Variants in CAMTA1 observed in about 807,000 individuals in gnomAD.
CAMTA1 encodes calmodulin-binding transcription activator 1.
A neutral mutation model predicts 170.9 loss-of-function variants in CAMTA1; 27 were observed. The ratio of observed to expected loss-of-function variants is 0.16; its 90% CI spans 0.12 to 0.22. CAMTA1 has a LOEUF of 0.22. Among genes scored for constraint, CAMTA1 ranks in the 10% least tolerant of loss-of-function variants. The pLI is 1.00. For synonymous variants in CAMTA1, 833 were observed against 891.5 expected (o/e 0.93, Z 1.17); for missense variants, 1,619 against 2,217.2 (o/e 0.73, Z 5.42).
intron 6 of CAMTA1, among the ~76,000 whole-genome samples, chr1:7,602,180 C>G (rs2095452538): frequency 7.1e-6 from 1 of 140,268 alleles, no homozygotes. Context: ...CCCTTCCCCT[C>G]CCCTCGATTC....
At chr1:7,288,492 T>G (rs1029704151) in intron 5 of CAMTA1, among the ~76,000 whole-genome samples, 2 of 152,134 alleles carry the variant, frequency 1.3e-5, no homozygotes, top group Non-Finnish European at 2.9e-5. Flanking sequence ...CCACACTGGT[T>G]GAGTGTGGGC....
rs116232618 is a variant in CAMTA1 at position 7,193,534 on chromosome 1, C to T, written c.303-55957C>T. Reference sequence around the variant, plus strand: ...ACAGCTAAAGTTCAGTGGCACTTACCTGCTGTCATCAGAAACATGAGGGGA... The same window carrying T: ...ACAGCTAAAGTTCAGTGGCACTTACTTGCTGTCATCAGAAACATGAGGGGA... On this transcript the variant is annotated intron_variant, in intron 4 of 22. Coordinates refer to ENST00000303635, the MANE Select transcript of CAMTA1 (RefSeq NM_015215.4). 1.9e-3 allele frequency among the ~76,000 whole-genome samples: 287 copies of T among 151,830 alleles called. 1 individual carries two copies. Among genetic ancestry groups the T allele is most frequent in the African/African-American group, 6.5e-3 (271 of 41,446 alleles).
intron 6 of CAMTA1, among the ~76,000 whole-genome samples, chr1:7,500,907 T>A (rs1263519443): frequency 6.6e-6 from 1 of 151,970 alleles, no homozygotes; most frequent in Non-Finnish European, 1.5e-5. Context: ...GCTCAACTGG[T>A]CACACCCAAC....
chr1:7,479,480 TCCAGACATG>T (rs1320424498), intron 6 of CAMTA1, among the ~76,000 whole-genome samples: 1 of 152,164 alleles, frequency 6.6e-6, no homozygotes, highest in African/African-American at 2.4e-5. Flanking sequence ...ATGCTCTTTT[TCCAGACATG>T]CCAGGGTCCC....
Position 7,089,621 on chromosome 1 carries a change from G to C in CAMTA1, c.235-1683G>C, listed in dbSNP as rs560510858. 1.6e-4 allele frequency among the ~76,000 whole-genome samples: 22 copies of C among 140,662 alleles called. 1 individual carries two copies. The highest frequency in any genetic ancestry group is 5.7e-4 in the African/African-American group (22 of 38,798). The allele number at this position is 140,662 out of a possible 152,430, so 92.3% of individuals were successfully genotyped here. On this transcript the variant is annotated intron_variant, in intron 3 of 22. Coordinates refer to ENST00000303635, the MANE Select transcript of CAMTA1 (RefSeq NM_015215.4). Reference sequence around the variant, plus strand: ...CCATCTGTCTAACAAACACTTATCAGGTGCTTCCTATGTGCCTCAGGACAC... The same window carrying C: ...CCATCTGTCTAACAAACACTTATCACGTGCTTCCTATGTGCCTCAGGACAC...
chr1:7,664,466 G>T lies in CAMTA1; in HGVS notation c.1919G>T (p.Gly640Val). ...CACAGCAGCCTGAGTGACTCTGGGGGCACCTTCGTGATGCCCACGGTGAAA... is the reference window on the plus strand; with the variant it reads ...CACAGCAGCCTGAGTGACTCTGGGGTCACCTTCGTGATGCCCACGGTGAAA... ...NTHSSLSDSGGTFVMPTVKTE... is the reference protein window; with the variant it reads ...NTHSSLSDSGVTFVMPTVKTE... The change falls in exon 9 of 23, where the codon GGC becomes GTC. Residue 640 changes from glycine to valine, a missense_variant. By Grantham distance (109) the Gly-to-Val change is moderately radical. Transcript: ENST00000303635. The T allele has an allele frequency of 6.2e-7, 1 of 1,613,374 alleles. No homozygotes were observed. The highest frequency in any genetic ancestry group is 1.1e-5 in the South Asian group (1 of 91,082).
chr1:7,707,120 G>C (rs886899270), intron 11 of CAMTA1, among the ~76,000 whole-genome samples: 1 of 152,004 alleles, frequency 6.6e-6, no homozygotes. Flanking sequence ...TCCTGACCTT[G>C]TGATCTGCCT....
chr1:7,309,753 A>G (rs1676180797), intron 5 of CAMTA1, among the ~76,000 whole-genome samples: 1 of 151,996 alleles, frequency 6.6e-6, no homozygotes, highest in South Asian at 2.1e-4. Context: ...ATGGGTTACA[A>G]TACATTCTTT....
intron 3 of CAMTA1, among the ~76,000 whole-genome samples, chr1:7,051,588 C>T (rs545537440): frequency 1.3e-5 from 2 of 151,834 alleles, no homozygotes; most frequent in South Asian, 4.2e-4. Flanking sequence ...GCCTGGGTGT[C>T]CGAGGTTGCT....
intron 4 of CAMTA1, among the ~76,000 whole-genome samples, chr1:7,127,565 T>A (rs1645008288): frequency 6.6e-6 from 1 of 152,160 alleles, no homozygotes; most frequent in Admixed American, 6.5e-5. Flanking sequence ...CTTGCCAGCC[T>A]CTTCGCATTC....
intron 6 of CAMTA1, among the ~76,000 whole-genome samples, chr1:7,485,940 C>A (rs1048943087): frequency 2.6e-5 from 4 of 152,368 alleles, no homozygotes; most frequent in East Asian, 1.9e-4. Context: ...CAGCCGCCAG[C>A]TGTTGGTGTC....
chr1:7,481,426 G>T (rs1427190660), intron 6 of CAMTA1, among the ~76,000 whole-genome samples: 1 of 152,086 alleles, frequency 6.6e-6, no homozygotes, highest in Non-Finnish European at 1.5e-5. Context: ...CCTCTGACTG[G>T]AGGCTGCCCT....
intron 3 of CAMTA1, among the ~76,000 whole-genome samples, chr1:6,899,540 GCGCA>G (rs149690589): frequency 2.5e-3 from 237 of 93,892 alleles, no homozygotes; most frequent in African/African-American, 8.2e-3. Context: ...TGTGTATAAC[GCGCA>G]CGCGCGCGCG....
chr1:7,276,303 A>ATATATATATATATATATATATATT, intron 5 of CAMTA1, among the ~76,000 whole-genome samples: 2 of 24,232 alleles, frequency 8.3e-5, no homozygotes, highest in Non-Finnish European at 1.2e-4. Context: ...ATATATATAT[A>ATATATATATATATATATATATATT]TTTTTTTTTT....
rs1208755548 is a variant in CAMTA1 at position 7,426,062 on chromosome 1, C to A, written c.439-41768C>A. Among the ~76,000 whole-genome samples, 1 of 152,226 alleles carries A rather than the reference C, an allele frequency of 6.6e-6. No homozygotes were observed. Among genetic ancestry groups the A allele is most frequent in the African/African-American group, 2.4e-5 (1 of 41,444 alleles). On this transcript the variant is annotated intron_variant, in intron 5 of 22. Transcript: ENST00000303635. This position sits in a 1 kb window ranked among gnomAD's most constrained non-coding sequence, Gnocchi z 4.8. ...TGAGCTGCGGTCCTGGAAAAGGTGGCAGGGTAGGGGCCTCCTGGCATCTGC... is the reference window on the plus strand; with the variant it reads ...TGAGCTGCGGTCCTGGAAAAGGTGGAAGGGTAGGGGCCTCCTGGCATCTGC...
chr1:6,988,979 A>G (rs1353192732), intron 3 of CAMTA1, among the ~76,000 whole-genome samples: 1 of 152,176 alleles, frequency 6.6e-6, no homozygotes, highest in Non-Finnish European at 1.5e-5. Context: ...TCTTTGAAAG[A>G]TGGTGTCCCA....
intron 4 of CAMTA1, among the ~76,000 whole-genome samples, chr1:7,104,217 A>G (rs1007267697): frequency 4.0e-5 from 6 of 150,600 alleles, no homozygotes; most frequent in Admixed American, 1.3e-4. Context: ...ACACATGTAC[A>G]CACAACACAA....
chr1:7,075,639 G>C (rs1039040455), intron 3 of CAMTA1, among the ~76,000 whole-genome samples: 7 of 148,766 alleles, frequency 4.7e-5, no homozygotes. Flanking sequence ...TTGACTTCCC[G>C]TGGTGCACTT....
intron 11 of CAMTA1, among the ~76,000 whole-genome samples, chr1:7,715,696 G>T (rs1000687812): frequency 1.3e-5 from 2 of 152,214 alleles, no homozygotes; most frequent in African/African-American, 4.8e-5. Context: ...ATTTGTTCAG[G>T]CCTCACTGAT....
Sources: gnomAD v4.1 joint callset for allele counts (sites outside exome capture counted in the v4.1 genomes callset) on GRCh38, gnomAD v4.1.1 for gene constraint, Gnocchi (gnomAD v3.1) non-coding constraint, MANE v1.5 for transcripts, NCBI Gene and HGNC (gene_info 2026-07-23, HGNC 2026-07-21) for gene names.